Variants in MGAT4C observed in about 807,000 individuals in gnomAD.
MGAT4C encodes the protein MGAT4 family member C.
A neutral mutation model predicts 40.1 loss-of-function variants in MGAT4C; 19 were observed. The ratio of observed to expected loss-of-function variants is 0.47; its 90% confidence interval spans 0.33 to 0.70. MGAT4C has a LOEUF of 0.70. Ranked by LOEUF, MGAT4C falls within the 30% of genes least tolerant of loss-of-function variation. MGAT4C has a pLI of 0.02. For missense variants in MGAT4C, 491 were observed against 563.2 expected, an observed-to-expected ratio of 0.87 and a Z score of 1.30; for synonymous variants, 181 against 187.1, an observed-to-expected ratio of 0.97 and a Z score of 0.27.
intron 1 of MGAT4C, among the ~76,000 whole-genome samples, chr12:86,804,416 T>TA (rs1378342276): frequency 1.4e-5 from 2 of 146,982 alleles, no homozygotes; most frequent in Admixed American, 6.8e-5. Flanking sequence ...TAAAGTATAA[T>TA]AAAAAAATAA....
chr12:86,727,873 T>C (rs1026658614), intron 1 of MGAT4C, among the ~76,000 whole-genome samples: 1 of 152,024 alleles, frequency 6.6e-6, no homozygotes, highest in Non-Finnish European at 1.5e-5. Flanking sequence ...ACAAAAGTAG[T>C]GATATGACCA....
intron 1 of MGAT4C, among the ~76,000 whole-genome samples, chr12:86,144,685 G>A (rs1286390742): frequency 3.3e-5 from 5 of 151,980 alleles, no homozygotes; most frequent in African/African-American, 1.2e-4. Flanking sequence ...TTTATTGTAC[G>A]TTATAGGCTA....
chr12:86,379,606 T>C (rs190769401), intron 3 of MGAT4C, among the ~76,000 whole-genome samples: 11 of 152,242 alleles, frequency 7.2e-5, no homozygotes, highest in Admixed American at 5.2e-4. Context: ...GATAAATATT[T>C]GACCAGTGAA....
chr12:86,783,523 ATTGT>A (rs1040129738), intron 1 of MGAT4C, among the ~76,000 whole-genome samples: 3 of 152,050 alleles, frequency 2.0e-5, no homozygotes, highest in Non-Finnish European at 4.4e-5. Context: ...TTCTTTGGTT[ATTGT>A]TTGTCTCTCC....
intron 2 of MGAT4C, among the ~76,000 whole-genome samples, chr12:86,544,633 T>C (rs972958262): frequency 1.3e-5 from 2 of 152,180 alleles, no homozygotes; most frequent in African/African-American, 4.8e-5. Flanking sequence ...TACAATTAAG[T>C]ACAGTATACA....
At chr12:86,249,107 G>T (rs2136069028) in intron 1 of MGAT4C, among the ~76,000 whole-genome samples, 1 of 152,096 alleles carries the variant, frequency 6.6e-6, no homozygotes, top group African/African-American at 2.4e-5. Context: ...CTATAAGAAG[G>T]GGAGTTCCTT....
At chr12:86,510,906 C>A (rs1958568920) in intron 2 of MGAT4C, among the ~76,000 whole-genome samples, 3 of 151,296 alleles carry the variant, frequency 2.0e-5, no homozygotes, top group Admixed American at 6.6e-5. Flanking sequence ...ACTTTAACAC[C>A]CCACTGTCAA....
chr12:86,565,687 G>A (rs1000331913), intron 2 of MGAT4C, among the ~76,000 whole-genome samples: 4 of 152,198 alleles, frequency 2.6e-5, no homozygotes, highest in Admixed American at 6.5e-5. Flanking sequence ...GAGGGATGTG[G>A]ATGGACCTCT....
intron 3 of MGAT4C, among the ~76,000 whole-genome samples, chr12:86,397,336 C>T (rs1268238393): frequency 6.6e-6 from 1 of 152,126 alleles, no homozygotes; most frequent in African/African-American, 2.4e-5. Flanking sequence ...GCCTTCAAAA[C>T]CTCCCAAACC....
At chr12:86,787,225 T>C (rs960886931) in intron 1 of MGAT4C, among the ~76,000 whole-genome samples, 8 of 152,146 alleles carry the variant, frequency 5.3e-5, no homozygotes, top group Non-Finnish European at 7.4e-5. Context: ...CTCTCACTTA[T>C]AAGTGAGAAT....
intron 1 of MGAT4C, among the ~76,000 whole-genome samples, chr12:86,139,870 G>C (rs946419634): frequency 6.6e-6 from 1 of 152,116 alleles, no homozygotes; most frequent in Non-Finnish European, 1.5e-5. Flanking sequence ...TTTGCATTAA[G>C]AGTCATCCAT....
At chr12:86,580,376 T>A (rs1960732306) in intron 2 of MGAT4C, among the ~76,000 whole-genome samples, 2 of 151,508 alleles carry the variant, frequency 1.3e-5, no homozygotes, top group African/African-American at 4.8e-5. Flanking sequence ...TTTTCTCTCT[T>A]TAGTCTAACA....
At chr12:86,614,659 A>C (rs1235227361) in intron 2 of MGAT4C, among the ~76,000 whole-genome samples, 1 of 151,716 alleles carries the variant, frequency 6.6e-6, no homozygotes, top group Admixed American at 6.6e-5. Context: ...ATATATATAT[A>C]TATGTTTAAA....
intron 3 of MGAT4C, among the ~76,000 whole-genome samples, chr12:86,337,274 C>T (rs1186192960): frequency 6.6e-6 from 1 of 152,016 alleles, no homozygotes; most frequent in East Asian, 1.9e-4. Context: ...ATCTAATTTA[C>T]ATTTTGAAAT....
At chr12:86,302,665 G>T (rs1362663789) in intron 4 of MGAT4C, among the ~76,000 whole-genome samples, 1 of 150,542 alleles carries the variant, frequency 6.6e-6, no homozygotes, top group Non-Finnish European at 1.5e-5. Flanking sequence ...CTGATCTCAT[G>T]TGATCCACCT....
chr12:86,221,286 A>G (rs952911370), intron 1 of MGAT4C, among the ~76,000 whole-genome samples: 1 of 152,112 alleles, frequency 6.6e-6, no homozygotes, highest in African/African-American at 2.4e-5. Flanking sequence ...CTGGTGTGCC[A>G]TATCCTCTTA....
intron 2 of MGAT4C, among the ~76,000 whole-genome samples, chr12:86,710,108 G>A (rs1950531344): frequency 6.6e-6 from 1 of 152,092 alleles, no homozygotes; most frequent in African/African-American, 2.4e-5. Flanking sequence ...CATAAGAATT[G>A]TCAATAGACA....
chr12:86,634,539 T>G (rs780510182), intron 2 of MGAT4C, among the ~76,000 whole-genome samples: 1 of 152,106 alleles, frequency 6.6e-6, no homozygotes, highest in South Asian at 2.1e-4. Context: ...TGCATTCCTT[T>G]TGGAGCTCAG....
intron 1 of MGAT4C, among the ~76,000 whole-genome samples, chr12:86,233,011 G>T (rs1224949153): frequency 6.6e-6 from 1 of 152,162 alleles, no homozygotes; most frequent in Non-Finnish European, 1.5e-5. Flanking sequence ...AGAATCAACA[G>T]CTGTAATTTG....
Sources: allele counts gnomAD v4.1 joint callset (sites outside exome capture counted in the v4.1 genomes callset), GRCh38; gene constraint gnomAD v4.1.1; transcripts MANE v1.5; gene names NCBI Gene and HGNC (gene_info 2026-07-23, HGNC 2026-07-21).